Variants in ODAD4 observed in about 807,000 individuals in gnomAD.
ODAD4 encodes outer dynein arm docking complex subunit 4.
A neutral mutation model predicts 51.8 loss-of-function variants in ODAD4; 49 were observed. The ratio of observed to expected loss-of-function variants is 0.95; its 90% CI spans 0.75 to 1.20. The LOEUF (loss-of-function observed/expected upper bound fraction) is 1.20. Among genes scored for constraint, ODAD4 ranks in the 50% most tolerant of loss-of-function variants. The probability of loss-of-function intolerance (pLI) is 0.00; values close to 1 mark genes in which losing one functional copy is unlikely to be tolerated. For synonymous variants in ODAD4, 235 were observed against 221.3 expected (o/e 1.06, Z -0.55); for missense variants, 590 against 586.5 (o/e 1.01, Z -0.06).
In ODAD4 at chr17:41,963,628, ATTTCT is replaced by A. The variant is rs1229864507; in HGVS notation, c.1529-1357_1529-1353del. 2.0e-5 allele frequency among the ~76,000 whole-genome samples: 3 copies of A among 149,614 alleles called. No homozygotes were observed. In the East Asian group the frequency reaches 5.9e-4, roughly 29 times the overall value. ...ACACTTGCAGTGTGACCATTGTGTG[ATTTCT>A]TTTCTTTCTTTTTTTTTTTTTTTGA... On this transcript the variant is annotated intron_variant, in intron 11 of 11. Transcript: ENST00000377540.
intron 8 of ODAD4, 90 bp downstream of exon 8, chr17:41,945,312 G>C: frequency 3.4e-6 from 3 of 875,084 alleles, no homozygotes; most frequent in Non-Finnish European, 3.5e-6. Context: ...TAAGAATCCA[G>C]CCTGGGCAAC....
chr17:41,933,768 C>T (rs1352624478), intron 1 of ODAD4, among the ~76,000 whole-genome samples: 3 of 151,726 alleles, frequency 2.0e-5, no homozygotes, highest in Non-Finnish European at 4.4e-5. Context: ...GAGCAGAGAT[C>T]GTGCCACTGC....
At position 41,955,248 on chromosome 17, in the gene ODAD4, C is replaced by A. The variant is rs782501988; in HGVS notation, c.1374C>A (p.Asn458Lys). 3.8e-5 allele frequency: 30 copies of A among 779,672 alleles called. No homozygotes were observed. In the South Asian group the frequency reaches 4.0e-4, roughly 10 times the overall value. The allele number at this position is 779,672 out of a possible 1,614,324, so 48.3% of individuals were successfully genotyped here. ...VKLRDFESAV[N>K]NFEKALERAK... ...TGAGAGACTTCGAGTCAGCCGTGAACAATTTTGAGAAGGCCCTGGAGAGAG... is the reference window on the plus strand; with the variant it reads ...TGAGAGACTTCGAGTCAGCCGTGAAAAATTTTGAGAAGGCCCTGGAGAGAG... Residue 458 changes from asparagine (N) to lysine (K), a missense_variant, in exon 10 of 12, where the codon AAC (asparagine) becomes AAA (lysine). By Grantham distance (94) the Asn-to-Lys change is moderately conservative. Transcript: ENST00000377540.
At chr17:41,956,772 G>A (rs901369925) in intron 10 of ODAD4, among the ~76,000 whole-genome samples, 1 of 151,898 alleles carries the variant, frequency 6.6e-6, no homozygotes, top group Admixed American at 6.6e-5. Context: ...AAGTAGAGAC[G>A]GAGTCTCAGT....
chr17:41,938,132 C>T (rs144906265), intron 5 of ODAD4, among the ~76,000 whole-genome samples: 3 of 152,356 alleles, frequency 2.0e-5, no homozygotes, highest in East Asian at 1.9e-4. Flanking sequence ...GTGGGCAGGA[C>T]TTGGGCACCC....
Position 41,930,717 on chromosome 17 carries a change from G to A in ODAD4, c.-7G>A. 6.3e-7 allele frequency: 1 copy of A among 1,586,014 alleles called. No individual in the cohort carries two copies. The highest frequency in any genetic ancestry group is 1.1e-5 in the South Asian group (1 of 88,980). ...TCTCTGCTTTAGCGTCTCTAAATCC[G>A]GTCACCATGTCGGACCCCGAAGGCG... On this transcript the variant is annotated 5_prime_UTR_variant, in exon 1 of 12. Transcript: ENST00000377540.
At chr17:41,948,899 C>T (rs1045900776) in intron 8 of ODAD4, among the ~76,000 whole-genome samples, 6 of 152,166 alleles carry the variant, frequency 3.9e-5, no homozygotes, top group Non-Finnish European at 8.8e-5. Flanking sequence ...ACTTCAGCCT[C>T]CCAAAGCGCT....
intron 9 of ODAD4, among the ~76,000 whole-genome samples, chr17:41,951,883 CAAAAAAAAAAAAAA>C (rs55769009): frequency 2.8e-5 from 1 of 35,548 alleles, no homozygotes; most frequent in Non-Finnish European, 5.6e-5. Flanking sequence ...GACTCTGTCG[CAAAAAAAAAAAAAA>C]AAAAAAAAAA....
intron 8 of ODAD4, among the ~76,000 whole-genome samples, chr17:41,947,433 C>A (rs952408454): frequency 6.9e-6 from 1 of 144,556 alleles, no homozygotes; most frequent in Non-Finnish European, 1.5e-5. Flanking sequence ...TGAAGTGAGC[C>A]GAGATCACGC....
At chr17:41,947,091 C>T (rs2050599077) in intron 8 of ODAD4, among the ~76,000 whole-genome samples, 1 of 150,810 alleles carries the variant, frequency 6.6e-6, no homozygotes, top group Non-Finnish European at 1.5e-5. Flanking sequence ...CTCAGGTGAT[C>T]CGCCCACCTC....
At chr17:41,951,332 TTCAGCC>T (rs1396942443) in intron 9 of ODAD4, among the ~76,000 whole-genome samples, 3 of 149,890 alleles carry the variant, frequency 2.0e-5, no homozygotes, top group Non-Finnish European at 3.0e-5. Flanking sequence ...ATCTGCCTGC[TTCAGCC>T]TCCCAAAGTG....
intron 10 of ODAD4, among the ~76,000 whole-genome samples, chr17:41,960,117 T>G (rs575170610): frequency 6.6e-6 from 1 of 151,002 alleles, no homozygotes; most frequent in African/African-American, 2.4e-5. Context: ...GAGTGTAGAT[T>G]GGCTCCAGGC....
At position 41,949,263 on chromosome 17, in the gene ODAD4, A is replaced by T. The variant is rs1056444929; in HGVS notation, c.1256A>T (p.Tyr419Phe). 5.0e-6 allele frequency: 2 copies of T among 398,556 alleles called. No individual in the cohort carries two copies. Among genetic ancestry groups the T allele is most frequent in the Non-Finnish European group, 8.8e-6 (2 of 226,070 alleles). 24.7% of individuals were successfully genotyped at this position (398,556 alleles called of 1,614,324 possible). ...GACCAGGCCTGGCAGGCCCAGAATT[A>T]TGGCGAGAAGTCCCAGCAGTGTGCC... The part of the protein sequence containing the change: ...ELDQAWQAQN[Y>F]GEKSQQCAEE... The change falls in exon 9 of 12, where the codon TAT (tyrosine) becomes TTT (phenylalanine). Residue 419 changes from tyrosine to phenylalanine, a missense_variant. Coordinates refer to ENST00000377540, the MANE Select transcript of ODAD4 (RefSeq NM_031421.5).
chr17:41,956,825 C>G (rs140197208), intron 10 of ODAD4, among the ~76,000 whole-genome samples: 1 of 152,008 alleles, frequency 6.6e-6, no homozygotes, highest in Admixed American at 6.6e-5. Flanking sequence ...TCAAATGATT[C>G]TCCTGCCTTG....
intron 9 of ODAD4, among the ~76,000 whole-genome samples, chr17:41,951,979 GTT>G (rs536353074): frequency 8.9e-4 from 135 of 151,572 alleles, no homozygotes; most frequent in African/African-American, 3.2e-3. Flanking sequence ...GGGAGGATCG[GTT>G]GAGCCCAGGA....
intron 1 of ODAD4, among the ~76,000 whole-genome samples, chr17:41,934,043 T>C (rs1260093547): frequency 4.2e-5 from 5 of 119,920 alleles, no homozygotes; most frequent in African/African-American, 1.2e-4. Flanking sequence ...TCTTTCTTTT[T>C]TTTTTTTTTT....
Position 41,938,670 on chromosome 17 carries a change from G to A in ODAD4, c.739G>A (p.Ala247Thr), listed in dbSNP as rs181295455. Residue 247 changes from alanine to threonine, a missense_variant, in exon 6 of 12, where the codon GCC becomes ACC. By Grantham distance (58) the Ala-to-Thr change is moderately conservative. Around this residue, in one of 3 missense-constraint regions of ODAD4, gnomAD observed 360 missense variants for 407.5 expected, o/e 0.88. Transcript: ENST00000377540. ...CTGGAGGCAGCAGAAGCCGATCTAC[G>A]CCAGGGAGCGGGACCGGAAGCTGAT... Reference protein sequence around the residue: ...NFWRQQKPIYARERDRKLMQE... With the variant: ...NFWRQQKPIYTRERDRKLMQE... 3.5e-5 allele frequency: 57 copies of A among 1,613,926 alleles called. No individual in the cohort carries two copies. Among genetic ancestry groups the A allele is most frequent in the South Asian group, 1.2e-4 (11 of 91,074 alleles).
In ODAD4 at chr17:41,936,841, C is replaced by T. The variant is rs1403676268; in HGVS notation, c.539C>T (p.Ser180Leu). 7 of 1,613,834 alleles carry T rather than the reference C, an allele frequency of 4.3e-6. No individual in the cohort carries two copies. Among genetic ancestry groups the T allele is most frequent in the Admixed American group, 1.7e-5 (1 of 59,996 alleles). Residue 180 changes from serine (S) to leucine (L), a missense_variant, in exon 5 of 12, where the codon TCG becomes TTG. Physicochemically the swap from Ser to Leu is moderately radical, Grantham distance 145. Transcript: ENST00000377540. ...PTKGEPKWKASLKSEKTVRQL... is the reference protein window; with the variant it reads ...PTKGEPKWKALLKSEKTVRQL... The stretch of plus-strand genomic sequence containing the variant: ...AAGGGAGAGCCCAAGTGGAAGGCCT[C>T]GCTCAAGAGTGAGAAGACTGTCCGC...
chr17:41,938,831 G>A lies in ODAD4; in HGVS notation c.850+50G>A, dbSNP rs782626795. The A allele has an allele frequency of 2.5e-6, 4 of 1,594,776 alleles. 1 individual carries two copies. The highest frequency in any genetic ancestry group is 3.4e-6 in the Non-Finnish European group (4 of 1,167,102). The stretch of plus-strand genomic sequence containing the variant: ...GGCAGGTGCCTCCAGTGCCTTATCA[G>A]GTGGGGAAGGAGCAACCAGGTGTCT... On this transcript the variant is annotated intron_variant, in intron 6 of 11. Transcript: ENST00000377540.
Sources: allele counts gnomAD v4.1 joint callset (sites outside exome capture counted in the v4.1 genomes callset), GRCh38; gene constraint gnomAD v4.1.1; regional missense constraint gnomAD v4.1.1; transcripts MANE v1.5; gene names NCBI Gene and HGNC (gene_info 2026-07-23, HGNC 2026-07-21).